Variants in CACNA1C observed in about 807,000 individuals in gnomAD.
CACNA1C encodes calcium voltage-gated channel subunit alpha1 C, also known as voltage-dependent L-type calcium channel subunit alpha-1C.
Under a neutral mutation model 229.0 loss-of-function variants are expected in CACNA1C, and 30 were observed. The observed-to-expected ratio is 0.13, with a 90% confidence interval of 0.10 to 0.18. The LOEUF (loss-of-function observed/expected upper bound fraction) is 0.18. Among genes scored for constraint, CACNA1C ranks in the 10% least tolerant of loss-of-function variants. The pLI is 1.00. For synonymous variants in CACNA1C, 1,114 were observed against 1,132.5 expected (o/e 0.98, Z 0.33); for missense variants, 1,658 against 2,845.0 (o/e 0.58, Z 9.49).
At chr12:2,555,748 A>G (rs1341728260) in intron 10 of CACNA1C, among the ~76,000 whole-genome samples, 3 of 152,234 alleles carry the variant, frequency 2.0e-5, no homozygotes, top group East Asian at 3.9e-4. Flanking sequence ...GCAGTGCCCC[A>G]GAGATGTAAT....
At chr12:2,680,372 C>T in intron 42 of CACNA1C, 1 of 1,553,138 alleles carries the variant, frequency 6.4e-7, no homozygotes, top group Non-Finnish European at 8.7e-7. Flanking sequence ...GGATGCACTG[C>T]TGTGACATGC....
intron 7 of CACNA1C, among the ~76,000 whole-genome samples, chr12:2,501,096 C>T (rs1846216884): frequency 6.7e-6 from 1 of 148,350 alleles, no homozygotes; most frequent in African/African-American, 2.5e-5. Flanking sequence ...GTAGTCCCTG[C>T]TACTCGGGAG....
At chr12:2,175,954 G>C (rs975006749) in intron 3 of CACNA1C, among the ~76,000 whole-genome samples, 1 of 152,154 alleles carries the variant, frequency 6.6e-6, no homozygotes, top group East Asian at 1.9e-4. Context: ...TGGTTCAGCA[G>C]TGAACAAAAC....
intron 11 of CACNA1C, among the ~76,000 whole-genome samples, chr12:2,564,173 G>A (rs1293685365): frequency 6.6e-6 from 1 of 152,188 alleles, no homozygotes; most frequent in Non-Finnish European, 1.5e-5. Flanking sequence ...AAAGTTTTAT[G>A]TAAAAATATT....
Position 2,187,938 on chromosome 12 carries a change from C to T in CACNA1C, c.477+67508C>T, listed in dbSNP as rs189926711. Among the ~76,000 whole-genome samples, 15 of 152,326 alleles carry T rather than the reference C, an allele frequency of 9.8e-5. No individual in the cohort carries two copies. In the East Asian group the frequency reaches 2.9e-3, roughly 29 times the overall value. On this transcript the variant is annotated intron_variant, in intron 3 of 46. Transcript: ENST00000399655. ...GGCGAGGAGGATGCCAGGAGAGGCACCTTGGCCCCTGCTGTGGTATTGGCC... is the reference window on the plus strand; with the variant it reads ...GGCGAGGAGGATGCCAGGAGAGGCATCTTGGCCCCTGCTGTGGTATTGGCC...
At chr12:2,468,289 C>T (rs1371160264) in intron 5 of CACNA1C, among the ~76,000 whole-genome samples, 1 of 152,240 alleles carries the variant, frequency 6.6e-6, no homozygotes, top group Non-Finnish European at 1.5e-5. Flanking sequence ...ACACACATTC[C>T]TCCAGTCACG....
At chr12:2,655,043 TC>T (rs2153668306) in intron 33 of CACNA1C, 103 bp from the exon 34 acceptor site, 4 of 744,578 alleles carry the variant, frequency 5.4e-6, no homozygotes, top group South Asian at 4.7e-5. Flanking sequence ...GGCAGCCAGT[TC>T]CAGGGACACC....
At chr12:2,577,449 A>G (rs1000216345) in intron 13 of CACNA1C, among the ~76,000 whole-genome samples, 2 of 152,250 alleles carry the variant, frequency 1.3e-5, no homozygotes, top group East Asian at 3.8e-4. Context: ...TCTGTAGGAC[A>G]TATTGATACA....
intron 19 of CACNA1C, among the ~76,000 whole-genome samples, chr12:2,594,984 G>T (rs1013896328): frequency 6.6e-6 from 1 of 152,164 alleles, no homozygotes; most frequent in Non-Finnish European, 1.5e-5. Context: ...CTCTCCATAC[G>T]TAGCCTCAGC....
chr12:2,193,323 C>T (rs2097299404), intron 3 of CACNA1C, among the ~76,000 whole-genome samples: 1 of 152,184 alleles, frequency 6.6e-6, no homozygotes, highest in South Asian at 2.1e-4. Context: ...GACCTGGTGG[C>T]ACATACCTGT....
intron 24 of CACNA1C, 84 bp from the exon 25 acceptor site, chr12:2,606,527 G>T: frequency 1.8e-6 from 2 of 1,104,922 alleles, no homozygotes; most frequent in Non-Finnish European, 2.7e-6. Flanking sequence ...GCACAGTGCT[G>T]GGCTATGGAG....
Position 2,691,369 on chromosome 12 carries a change from G to C in CACNA1C, c.*170G>C. 1 of 679,482 alleles carries C rather than the reference G, an allele frequency of 1.5e-6. No homozygotes were observed. The highest frequency in any genetic ancestry group is 2.1e-6 in the Non-Finnish European group (1 of 472,548). 42.1% of individuals were successfully genotyped at this position (679,482 alleles called of 1,614,324 possible). ...GGGTGCGCGAGCCGCCCTCCGGGAG[G>C]AAGGCGCCCGGCTGCGTCTGCAGAG... On this transcript the variant is annotated 3_prime_UTR_variant, in exon 47 of 47. Transcript: ENST00000399655.
At chr12:2,123,049 A>G (rs1490426223) in intron 3 of CACNA1C, among the ~76,000 whole-genome samples, 4 of 152,206 alleles carry the variant, frequency 2.6e-5, no homozygotes, top group Admixed American at 2.0e-4. Flanking sequence ...TGAGTTGGAC[A>G]GACCTGACTT....
intron 1 of CACNA1C, among the ~76,000 whole-genome samples, chr12:2,069,830 T>A (rs1026569772): frequency 6.6e-6 from 1 of 152,204 alleles, no homozygotes; most frequent in African/African-American, 2.4e-5. Flanking sequence ...TTCTTTTCTT[T>A]TTTTCTTGAG....
chr12:2,419,868 TG>T (rs942813139), intron 3 of CACNA1C, among the ~76,000 whole-genome samples: 5 of 152,098 alleles, frequency 3.3e-5, no homozygotes, highest in Non-Finnish European at 5.9e-5. Flanking sequence ...TGAGGCTGGA[TG>T]GGGGCTTCAT....
chr12:2,593,867 A>T (rs534569896), intron 19 of CACNA1C, among the ~76,000 whole-genome samples: 1 of 152,154 alleles, frequency 6.6e-6, no homozygotes, highest in Non-Finnish European at 1.5e-5. Context: ...TTTAGCTAGC[A>T]TTTTCTTTCT....
intron 9 of CACNA1C, among the ~76,000 whole-genome samples, chr12:2,526,643 C>T (rs2099818940): frequency 6.6e-6 from 1 of 152,222 alleles, no homozygotes; most frequent in African/African-American, 2.4e-5. Flanking sequence ...CATCCCTCCT[C>T]AAAGGAAATG....
At chr12:2,182,432 A>G (rs2096870668) in intron 3 of CACNA1C, among the ~76,000 whole-genome samples, 1 of 149,208 alleles carries the variant, frequency 6.7e-6, no homozygotes, top group African/African-American at 2.5e-5. Context: ...CTCCTAAACC[A>G]CCTTAAATCG....
At chr12:2,672,283 G>A (rs1294085632) in intron 38 of CACNA1C, 1 of 152,172 alleles carries the variant, frequency 6.6e-6, no homozygotes, top group African/African-American at 2.4e-5. Context: ...AAAATACTTA[G>A]ATGACATGAA....
Sources: allele counts gnomAD v4.1 joint callset (sites outside exome capture counted in the v4.1 genomes callset), GRCh38; gene constraint gnomAD v4.1.1; transcripts MANE v1.5; gene names NCBI Gene and HGNC (gene_info 2026-07-23, HGNC 2026-07-21).